Variants in CREM observed in about 807,000 individuals in gnomAD.
CREM encodes the protein cAMP-responsive element modulator.
Under a neutral mutation model 37.3 loss-of-function variants are expected in CREM, and 13 were observed. The observed-to-expected ratio is 0.35, with a 90% CI of 0.23 to 0.55. CREM has a LOEUF of 0.55. CREM is among the 20% of genes least tolerant of loss of function. The probability of loss-of-function intolerance (pLI) is 0.88; values close to 1 mark genes in which losing one functional copy is unlikely to be tolerated. For missense variants in CREM, 296 were observed against 362.3 expected, an observed-to-expected ratio of 0.82 and a Z score of 1.49; for synonymous variants, 124 against 120.2, an observed-to-expected ratio of 1.03 and a Z score of -0.21.
rs1006528061 is a variant in CREM, at chr10:35,189,177, G to T, written c.598+789G>T. On this transcript the variant is annotated intron_variant, in intron 6 of 7. Transcript: ENST00000685392. ...AACAAATGCTGACTTTGGGTTTTTTGTTTTTTTTTGTTTGTTTGTTTTTTT... is the reference window on the plus strand; with the variant it reads ...AACAAATGCTGACTTTGGGTTTTTTTTTTTTTTTTGTTTGTTTGTTTTTTT... 6.8e-4 allele frequency among the ~76,000 whole-genome samples: 98 copies of T among 144,298 alleles called. 1 individual carries two copies. The highest frequency in any genetic ancestry group is 1.6e-3 in the African/African-American group (66 of 40,086). The allele number at this position is 144,298 out of a possible 152,430, so 94.7% of individuals were successfully genotyped here. A position where few individuals can be genotyped will look rare whatever the true frequency, so the allele number is the denominator to read the frequency against.
intron 6 of CREM, among the ~76,000 whole-genome samples, chr10:35,201,921 C>T (rs61646009): frequency 0.027 from 4,066 of 152,086 alleles, 176 homozygotes; most frequent in African/African-American, 0.089. Context: ...GTGCAAAACC[C>T]GAGGAAGTTC....
At position 35,148,689 on chromosome 10, in the gene CREM, C is replaced by T. The variant is rs146537690; in HGVS notation, c.168+198C>T. 4.4e-3 allele frequency: 2,289 copies of T among 516,970 alleles called. 18 individuals carry two copies. The highest frequency in any genetic ancestry group is 0.016 in the Middle Eastern group (32 of 1,984). The allele number at this position is 516,970 out of a possible 1,614,324, so 32.0% of individuals were successfully genotyped here. A position where few individuals can be genotyped will look rare whatever the true frequency, so the allele number is the denominator to read the frequency against. On this transcript the variant is annotated intron_variant, in intron 3 of 7. Coordinates refer to ENST00000685392, the MANE Select transcript of CREM (RefSeq NM_183011.2). Reference sequence around the variant, plus strand: ...ACAGACATTCAGCAGTGCCCCATCTCCATTGCCACCACCACTATGGAAGGA... The same window carrying T: ...ACAGACATTCAGCAGTGCCCCATCTTCATTGCCACCACCACTATGGAAGGA...
At chr10:35,158,821 G>GT (rs1271855315) in intron 3 of CREM, among the ~76,000 whole-genome samples, 1,030 of 62,320 alleles carry the variant, frequency 0.017, 9 homozygotes, top group South Asian at 0.056. Flanking sequence ...TGTTTTGTTT[G>GT]TTTTTTTTTT....
rs113016560 is a variant in CREM at position 35,187,991 on chromosome 10, A to G, written c.410-209A>G. Among the ~76,000 whole-genome samples the G allele has an allele frequency of 4.7e-3, 710 of 152,340 alleles. 5 individuals are homozygous for G. Among genetic ancestry groups the G allele is most frequent in the African/African-American group, 0.016 (652 of 41,568 alleles). On this transcript the variant is annotated intron_variant, in intron 5 of 7. Transcript: ENST00000685392. ...CTCTATGAATCTCAAACATTTCTGA[A>G]TATAAAATATTTTCAAGTGTTTATA... is the stretch of plus-strand genomic sequence containing the variant.
chr10:35,134,691 A>G (rs1364465940), intron 1 of CREM, among the ~76,000 whole-genome samples: 1 of 152,224 alleles, frequency 6.6e-6, no homozygotes, highest in Non-Finnish European at 1.5e-5. Flanking sequence ...AGCATAATCA[A>G]CATATTTTAA....
intron 3 of CREM, among the ~76,000 whole-genome samples, chr10:35,165,627 C>T (rs1043936089): frequency 2.0e-5 from 3 of 151,976 alleles, no homozygotes; most frequent in Admixed American, 6.6e-5. Context: ...AAACCAAATA[C>T]GAGATTGGCT....
chr10:35,159,281 A>G (rs543657370), intron 3 of CREM, among the ~76,000 whole-genome samples: 1 of 152,136 alleles, frequency 6.6e-6, no homozygotes, highest in Non-Finnish European at 1.5e-5. Context: ...GCAGGAAAAA[A>G]AAAAGAACAA....
At chr10:35,179,343 A>G (rs2094249949) in intron 5 of CREM, 67 bp downstream of exon 5, 1 of 1,553,100 alleles carries the variant, frequency 6.4e-7, no homozygotes, top group Non-Finnish European at 8.7e-7. Context: ...TATTGAAGCA[A>G]CTCAGGTTTT....
At chr10:35,204,776 G>C (rs770775418) in intron 6 of CREM, among the ~76,000 whole-genome samples, 101 of 152,200 alleles carry the variant, frequency 6.6e-4, no homozygotes, top group South Asian at 6.2e-4. Flanking sequence ...TAATTCTCAA[G>C]CCTTAGAAGG....
At chr10:35,189,006 C>T (rs1193509524) in intron 6 of CREM, among the ~76,000 whole-genome samples, 1 of 152,042 alleles carries the variant, frequency 6.6e-6, no homozygotes, top group Non-Finnish European at 1.5e-5. Context: ...ATTAGATATC[C>T]TTCATTTGGG....
chr10:35,170,456 A>G (rs2093757442), intron 3 of CREM, among the ~76,000 whole-genome samples: 1 of 152,118 alleles, frequency 6.6e-6, no homozygotes, highest in African/African-American at 2.4e-5. Context: ...TATTGATTGG[A>G]ATAGTTTCAG....
chr10:35,139,526 G>A (rs550048042), intron 2 of CREM, among the ~76,000 whole-genome samples: 2 of 152,014 alleles, frequency 1.3e-5, no homozygotes, highest in Non-Finnish European at 2.9e-5. Flanking sequence ...GTTTGTTTTC[G>A]TTTTTATTGT....
chr10:35,130,818 C>T (rs908490903), intron 1 of CREM, among the ~76,000 whole-genome samples: 1 of 152,094 alleles, frequency 6.6e-6, no homozygotes, highest in Non-Finnish European at 1.5e-5. Context: ...TTACAATGTT[C>T]GCAGAATGAA....
chr10:35,208,274 G>A (rs2095583127), intron 7 of CREM, among the ~76,000 whole-genome samples: 3 of 152,058 alleles, frequency 2.0e-5, no homozygotes, highest in African/African-American at 7.2e-5. Context: ...TATAGTCTAT[G>A]TACTTCCAGT....
intron 3 of CREM, 95 bp downstream of exon 3, chr10:35,148,586 A>G (rs2092345392): frequency 1.2e-5 from 16 of 1,357,482 alleles, no homozygotes; most frequent in Non-Finnish European, 1.3e-5. Context: ...TAAATTTTCC[A>G]TGTTCCCTGG....
intron 6 of CREM, among the ~76,000 whole-genome samples, chr10:35,190,884 G>A (rs970152501): frequency 1.2e-4 from 18 of 151,798 alleles, no homozygotes; most frequent in African/African-American, 2.4e-4. Flanking sequence ...GGATGGTCTC[G>A]ATCTCCTGAC....
At position 35,159,427 on chromosome 10, in the gene CREM, T is replaced by G. The variant is rs1404483491; in HGVS notation, c.168+10936T>G. 2.0e-5 allele frequency among the ~76,000 whole-genome samples: 3 copies of G among 152,246 alleles called. No homozygotes were observed. The East Asian group carries it at 5.8e-4, about 29-fold the overall frequency. On this transcript the variant is annotated intron_variant, in intron 3 of 7. Coordinates refer to ENST00000685392, the MANE Select transcript of CREM (RefSeq NM_183011.2). ...AAAGTCCAGAAATAAAACCATGCAT[T>G]TACTTACACCAACTTATATTCAACA...
chr10:35,165,880 G>A (rs1204019340), intron 3 of CREM, among the ~76,000 whole-genome samples: 1 of 151,942 alleles, frequency 6.6e-6, no homozygotes, highest in Non-Finnish European at 1.5e-5. Context: ...TTTAATTTAA[G>A]TGCTTACTGG....
At chr10:35,164,961 G>A (rs1206174854) in intron 3 of CREM, among the ~76,000 whole-genome samples, 2 of 145,524 alleles carry the variant, frequency 1.4e-5, no homozygotes, top group African/African-American at 5.1e-5. Context: ...TGAGGCAGGA[G>A]AATCACTTGA....
Sources: gnomAD v4.1 joint callset for allele counts (sites outside exome capture counted in the v4.1 genomes callset) on GRCh38, gnomAD v4.1.1 for gene constraint, MANE v1.5 for transcripts, NCBI Gene and HGNC (gene_info 2026-07-23, HGNC 2026-07-21) for gene names.